KLK13: variants seen among roughly 807,000 people sequenced by gnomAD.
KLK13 encodes kallikrein-13.
KLK13 carries 19 observed loss-of-function variants against 22.4 expected under a neutral mutation model. That is an observed-to-expected ratio of 0.85 (90% confidence interval 0.59 to 1.24). The LOEUF is 1.24. KLK13 is among the 50% of genes most tolerant of loss of function. The pLI is 0.00. For synonymous variants in KLK13, 156 were observed against 141.8 expected, an observed-to-expected ratio of 1.10 and a Z score of -0.71; for missense variants, 311 against 347.9, an observed-to-expected ratio of 0.89 and a Z score of 0.84.
intron 1 of KLK13, among the ~76,000 whole-genome samples, chr19:51,062,121 C>G (rs1438048655): frequency 6.6e-6 from 1 of 151,994 alleles, no homozygotes; most frequent in East Asian, 1.9e-4. Context: ...GTTCTTAAGT[C>G]ACACCAGCCA....
At chr19:51,058,466 T>C (rs915627799) in intron 4 of KLK13, 72 bp downstream of exon 4, 1 of 1,573,352 alleles carries the variant, frequency 6.4e-7, no homozygotes, top group Non-Finnish European at 8.7e-7. Context: ...ACAAAGCTTT[T>C]TCCCCAGCAT....
intron 1 of KLK13, among the ~76,000 whole-genome samples, chr19:51,063,135 A>C (rs930203644): frequency 6.6e-6 from 1 of 152,196 alleles, no homozygotes; most frequent in Non-Finnish European, 1.5e-5. Context: ...AGCCAGGAGG[A>C]CACAGAAGCC....
rs1240764856 is a variant in KLK13 at position 51,055,815 on chromosome 19, G to C, written c.*772C>G. Among the ~76,000 whole-genome samples, 1 of 152,194 alleles carries C rather than the reference G, an allele frequency of 6.6e-6. No individual in the cohort carries two copies. The highest frequency in any genetic ancestry group is 1.5e-5 in the Non-Finnish European group (1 of 68,032). Reference sequence around the variant, plus strand: ...GGGACACTGACCAAGGATGTTCATGGAGGGGATACAAGACGGAATATTTGG... The same window carrying C: ...GGGACACTGACCAAGGATGTTCATGCAGGGGATACAAGACGGAATATTTGG... On this transcript the variant is annotated 3_prime_UTR_variant, in exon 5 of 5. Coordinates refer to ENST00000595793, the MANE Select transcript of KLK13 (RefSeq NM_015596.3).
chr19:51,060,661 G>A, intron 1 of KLK13, 42 bp from the exon 2 acceptor site: 1 of 1,488,652 alleles, frequency 6.7e-7, no homozygotes, highest in Non-Finnish European at 9.2e-7. Flanking sequence ...GGATCCAGGG[G>A]GCAGAGGAGC....
upstream of KLK13, chr19:51,065,211 T>C (rs2091772054): frequency 1.8e-6 from 1 of 565,426 alleles, no homozygotes; most frequent in Non-Finnish European, 3.0e-6. Flanking sequence ...TTGACAGCCC[T>C]GACCCTGGAA....
chr19:51,064,708 G>A (rs1599790756), intron 1 of KLK13: 4 of 618,080 alleles, frequency 6.5e-6, no homozygotes, highest in Non-Finnish European at 1.2e-5. Flanking sequence ...CTGGCTCAAA[G>A]CGGCAGCGTC....
chr19:51,059,392 TATACATTTATAAA>T (rs1332876419), intron 3 of KLK13, among the ~76,000 whole-genome samples: 56 of 146,584 alleles, frequency 3.8e-4, no homozygotes, highest in African/African-American at 1.4e-3. Flanking sequence ...TATATAAATG[TATACATTTATAAA>T]ATACATTTAT....
intron 2 of KLK13, 55 bp from the exon 3 acceptor site, chr19:51,060,148 C>T: frequency 6.3e-7 from 1 of 1,596,728 alleles, no homozygotes; most frequent in Non-Finnish European, 8.5e-7. Context: ...TTTCCATCCC[C>T]ATCCCAGCCC....
At chr19:51,057,593 G>A (rs921495094) in intron 4 of KLK13, among the ~76,000 whole-genome samples, 10 of 151,826 alleles carry the variant, frequency 6.6e-5, no homozygotes, top group African/African-American at 2.2e-4. Flanking sequence ...TCAGCCTCCC[G>A]AGTAACTAGG....
At position 51,058,632 on chromosome 19, in the gene KLK13, C is replaced by T. The variant is rs776990347; in HGVS notation, c.551G>A (p.Arg184His). 1.4e-5 allele frequency: 23 copies of T among 1,613,936 alleles called. No individual in the cohort carries two copies. The highest frequency in any genetic ancestry group is 1.6e-4 in the Middle Eastern group (1 of 6,084). The change falls in exon 4 of 5, where the codon CGC (arginine) becomes CAC (histidine). Residue 184 changes from arginine to histidine, a missense_variant. Transcript: ENST00000595793. ...KTLQCANIQLRSDEECRQVYP... is the reference protein window; with the variant it reads ...KTLQCANIQLHSDEECRQVYP... ...GACTTGACGACACTCCTCATCTGAG[C>T]GAAGTTGGATGTTGGCACATTGTAG... is the stretch of plus-strand genomic sequence containing the variant.
At position 51,056,781 on chromosome 19, in the gene KLK13, T is replaced by C. The variant is rs1261088124; in HGVS notation, c.646-6A>G. On this transcript the variant is annotated splice_polypyrimidine_tract_variant and splice_region_variant and intron_variant, in intron 4 of 4. Transcript: ENST00000595793. ...AGGGGGCCCCCAGAGTCACCCTGAG[T>C]TGGGGAAAGAAAGAGAGAGAGAGGT... 5 of 1,610,184 alleles carry C rather than the reference T, an allele frequency of 3.1e-6. No homozygotes were observed. The Admixed American group carries it at 8.4e-5, about 27-fold the overall frequency.
At chr19:51,062,953 G>T (rs1276101526) in intron 1 of KLK13, among the ~76,000 whole-genome samples, 1 of 151,976 alleles carries the variant, frequency 6.6e-6, no homozygotes, top group Admixed American at 6.6e-5. Context: ...GGTGAGCACA[G>T]GATCATTTTA....
In KLK13 at chr19:51,058,590, G is replaced by C. The variant is rs187771697; in HGVS notation, c.593C>G (p.Thr198Ser). 9 of 1,614,160 alleles carry C rather than the reference G, an allele frequency of 5.6e-6. No individual in the cohort carries two copies. The East Asian group carries it at 2.0e-4, about 36-fold the overall frequency. ...ECRQVYPGKITDNMLCAGTKE... is the reference protein window; with the variant it reads ...ECRQVYPGKISDNMLCAGTKE... ...TGTGCCGGCACACAACATGTTGTCA[G>C]TGATCTTTCCTGGGTAGACTTGACG... Residue 198 changes from threonine to serine, a missense_variant, in exon 4 of 5, where the codon ACT becomes AGT. Thr to Ser is a moderately conservative substitution (Grantham distance 58). Coordinates refer to ENST00000595793, the MANE Select transcript of KLK13 (RefSeq NM_015596.3).
At position 51,060,490 on chromosome 19, in the gene KLK13, C is replaced by A; in HGVS notation, c.182G>T (p.Cys61Phe). The A allele has an allele frequency of 6.2e-7, 1 of 1,613,968 alleles. No homozygotes were observed. The highest frequency in any genetic ancestry group is 8.5e-7 in the Non-Finnish European group (1 of 1,179,914). The change falls in exon 2 of 5, where the codon TGT (cysteine) becomes TTT (phenylalanine). Residue 61 changes from cysteine (C) to phenylalanine (F), a missense_variant. Coordinates refer to ENST00000595793, the MANE Select transcript of KLK13 (RefSeq NM_015596.3). ...AALLVQGRLL[C>F]GGVLVHPKWV... ...TTTGGGGTGGACCAGGACTCCCCCA[C>A]AGAGTAGCCGCCCTTGCACTAGTAG...
chr19:51,064,948 C>G (rs541222137), intron 1 of KLK13, 68 bp downstream of exon 1: 8 of 1,394,146 alleles, frequency 5.7e-6, no homozygotes, highest in Admixed American at 2.2e-5. Flanking sequence ...GCCCCCTCCC[C>G]CTCCGGCCTG....
intron 2 of KLK13, 146 bp downstream of exon 2, chr19:51,060,287 C>T (rs2091715343): frequency 1.9e-6 from 2 of 1,058,978 alleles, no homozygotes; most frequent in Admixed American, 2.8e-5. Context: ...ATACCCAATC[C>T]CCATATCTCA....
Position 51,060,622 on chromosome 19 carries a change from G to A in KLK13, c.53-3C>T. 6.3e-7 allele frequency: 1 copy of A among 1,582,298 alleles called. No homozygotes were observed. On this transcript the variant is annotated splice_region_variant and splice_polypyrimidine_tract_variant and intron_variant, in intron 1 of 4. Coordinates refer to ENST00000595793, the MANE Select transcript of KLK13 (RefSeq NM_015596.3). Reference sequence around the variant, plus strand: ...CTTGGAAGACTCCTGGGAGACACCTGGTAAAGAAGAGAGATTGTTAGAAAA... The same window carrying A: ...CTTGGAAGACTCCTGGGAGACACCTAGTAAAGAAGAGAGATTGTTAGAAAA...
intron 1 of KLK13, 166 bp downstream of exon 1, chr19:51,064,850 G>A (rs373852021): frequency 1.6e-6 from 1 of 640,352 alleles, no homozygotes; most frequent in African/African-American, 1.8e-5. Flanking sequence ...GGGAAACCAG[G>A]TCACCCAGGG....
chr19:51,060,089 GC>G lies in KLK13; in HGVS notation c.243del (p.Leu82SerfsTer5), dbSNP rs2091713076. 1 of 1,613,010 alleles carries G rather than the reference GC, an allele frequency of 6.2e-7. No individual in the cohort carries two copies. The highest frequency in any genetic ancestry group is 8.5e-7 in the Non-Finnish European group (1 of 1,179,606). ...VLTAAHCLKEGLKVYLGKHAL... is the reference protein window; with the variant it reads ...VLTAAHCLKEXLKVYLGKHAL... ...GCGTGCTTGCCTAGGTAAACTTTGA[GC>G]CCCCTGTGGGTGCAGAAAGAAGGTG... is the stretch of plus-strand genomic sequence containing the variant. On this transcript the variant is annotated frameshift_variant, in exon 3 of 5. Transcript: ENST00000595793. LOFTEE classifies it high-confidence loss of function.
Sources: gnomAD v4.1 joint callset for allele counts (sites outside exome capture counted in the v4.1 genomes callset) on GRCh38, gnomAD v4.1.1 for gene constraint, MANE v1.5 for transcripts, NCBI Gene and HGNC (gene_info 2026-07-23, HGNC 2026-07-21) for gene names.